The following SORCS2 variants were observed in gnomAD, a reference collection of about 807,000 sequenced individuals.
The protein encoded by SORCS2 is VPS10 domain-containing receptor SorCS2.
SORCS2 carries 100 observed loss-of-function variants against 141.6 expected under a neutral mutation model. That is an observed-to-expected ratio of 0.71 (90% CI 0.60 to 0.83). The LOEUF is 0.83. SORCS2 is among the 40% of genes least tolerant of loss of function. The probability of loss-of-function intolerance (pLI) is 0.00; values close to 1 mark genes in which losing one functional copy is unlikely to be tolerated. For synonymous variants in SORCS2, 789 were observed against 676.9 expected (o/e 1.17, Z -2.57); for missense variants, 1,646 against 1,560.2 (o/e 1.05, Z -0.93).
chr4:7,550,661 T>C (rs1421605273), intron 3 of SORCS2, among the ~76,000 whole-genome samples: 9 of 152,192 alleles, frequency 5.9e-5, no homozygotes, highest in Admixed American at 5.9e-4. Context: ...CCTGTGTCTC[T>C]AGTAGATCAT....
At chr4:7,492,686 T>C (rs1476878338) in intron 2 of SORCS2, among the ~76,000 whole-genome samples, 1 of 152,248 alleles carries the variant, frequency 6.6e-6, no homozygotes, top group Non-Finnish European at 1.5e-5. Flanking sequence ...CCCAGCCCCT[T>C]GGAGACTGGC....
At chr4:7,309,063 C>G (rs115859706) in intron 1 of SORCS2, among the ~76,000 whole-genome samples, 9 of 152,166 alleles carry the variant, frequency 5.9e-5, no homozygotes, top group African/African-American at 1.9e-4. Flanking sequence ...CACACTGGAC[C>G]GTGGTGCCTG....
At chr4:7,682,557 G>A (rs1723588942) in intron 9 of SORCS2, among the ~76,000 whole-genome samples, 186 bp from the exon 10 acceptor site, 1 of 152,212 alleles carries the variant, frequency 6.6e-6, no homozygotes, top group Non-Finnish European at 1.5e-5. Context: ...TGGGGCCAGA[G>A]TCTTGAATCC....
intron 1 of SORCS2, among the ~76,000 whole-genome samples, chr4:7,224,507 C>A (rs972814402): frequency 1.3e-5 from 2 of 152,194 alleles, no homozygotes; most frequent in Admixed American, 6.5e-5. Flanking sequence ...CTGCTTCTGC[C>A]CACACCTGTG....
chr4:7,384,141 A>T (rs1346266140), intron 1 of SORCS2, among the ~76,000 whole-genome samples: 1 of 152,098 alleles, frequency 6.6e-6, no homozygotes, highest in African/African-American at 2.4e-5. Flanking sequence ...CCCTTGGTGG[A>T]GGCCCAAGGG....
At chr4:7,235,776 G>A (rs1577307395) in intron 1 of SORCS2, among the ~76,000 whole-genome samples, 1 of 152,214 alleles carries the variant, frequency 6.6e-6, no homozygotes, top group Non-Finnish European at 1.5e-5. Flanking sequence ...GAGAGGCTTG[G>A]AAGAGCAGGC....
intron 1 of SORCS2, among the ~76,000 whole-genome samples, chr4:7,354,316 A>G (rs1721121464): frequency 1.3e-5 from 2 of 151,726 alleles, no homozygotes; most frequent in South Asian, 4.2e-4. Context: ...AAGAGGACCT[A>G]CCCAGCGCTG....
Position 7,373,006 on chromosome 4 carries a change from G to GT in SORCS2, c.481-23266dup, listed in dbSNP as rs56090778. ...GCTGCAGGACATCTTGGTGGTTTCT[G>GT]TTTTTTTTTTTTTTTTCCCCTATCA... On this transcript the variant is annotated intron_variant, in intron 1 of 26. Transcript: ENST00000507866. Among the ~76,000 whole-genome samples the GT allele has an allele frequency of 4.3e-3, 594 of 138,136 alleles. 9 individuals are homozygous for GT. Among genetic ancestry groups the GT allele is most frequent in the Non-Finnish European group, 5.8e-3 (378 of 64,702 alleles). 90.6% of individuals were successfully genotyped at this position (138,136 alleles called of 152,430 possible).
chr4:7,561,867 C>T (rs116204774), intron 3 of SORCS2, among the ~76,000 whole-genome samples: 5,305 of 152,220 alleles, frequency 0.035, 107 homozygotes, highest in Middle Eastern at 0.054. Flanking sequence ...ATCCATCAGT[C>T]TACTCATCCA....
Position 7,667,195 on chromosome 4 carries a change from G to T in SORCS2, c.1143G>T (p.Pro381=), listed in dbSNP as rs142723320. The change falls in exon 8 of 27, where the codon CCG becomes CCT. Residue 381 remains proline, a synonymous_variant. Transcript: ENST00000507866. Reference sequence around the variant, plus strand: ...ATGAATTTGTCCTGATGAAGCTGCCGAAGTATGCATTGCCAAAGGTAAGGT... The same window carrying T: ...ATGAATTTGTCCTGATGAAGCTGCCTAAGTATGCATTGCCAAAGGTAAGGT... ...RRNEFVLMKL[P]KYALPKDLQI... 42 of 1,613,688 alleles carry T rather than the reference G, an allele frequency of 2.6e-5. No individual in the cohort carries two copies. The Admixed American group carries it at 6.8e-4, about 26-fold the overall frequency.
rs565314042 is a variant in SORCS2 at position 7,740,295 on chromosome 4, G to A, written c.*31G>A. On this transcript the variant is annotated 3_prime_UTR_variant, in exon 27 of 27. Coordinates refer to ENST00000507866, the MANE Select transcript of SORCS2 (RefSeq NM_020777.3). ...CCCCAGCATCTGTCTTTTCACCCACGGAGGGCACAGAACCACCAGCAAAGC... is the reference window on the plus strand; with the variant it reads ...CCCCAGCATCTGTCTTTTCACCCACAGAGGGCACAGAACCACCAGCAAAGC... 17 of 1,598,474 alleles carry A rather than the reference G, an allele frequency of 1.1e-5. No individual in the cohort carries two copies. The highest frequency in any genetic ancestry group is 6.7e-5 in the East Asian group (3 of 44,636).
In SORCS2 at chr4:7,584,401, G is replaced by C. The variant is rs533229408; in HGVS notation, c.648+52772G>C. Among the ~76,000 whole-genome samples the C allele has an allele frequency of 1.4e-4, 22 of 152,264 alleles. No individual in the cohort carries two copies. In the South Asian group the frequency reaches 4.6e-3, roughly 32 times the overall value. On this transcript the variant is annotated intron_variant, in intron 3 of 26. Coordinates refer to ENST00000507866, the MANE Select transcript of SORCS2 (RefSeq NM_020777.3). Reference sequence around the variant, plus strand: ...GAAAGAGTACATTTAAGAAAAAGTTGCTTCCATGATGGGCTGAAGGCACAG... The same window carrying C: ...GAAAGAGTACATTTAAGAAAAAGTTCCTTCCATGATGGGCTGAAGGCACAG...
intron 12 of SORCS2, among the ~76,000 whole-genome samples, chr4:7,697,902 C>A (rs1032156489): frequency 1.3e-5 from 2 of 152,192 alleles, no homozygotes; most frequent in African/African-American, 4.8e-5. Flanking sequence ...CCCACCAGCA[C>A]AGGATGGCCT....
At chr4:7,571,766 T>A (rs1715412541) in intron 3 of SORCS2, among the ~76,000 whole-genome samples, 1 of 152,296 alleles carries the variant, frequency 6.6e-6, no homozygotes, top group South Asian at 2.1e-4. Context: ...CCAAGCGACG[T>A]TGAATTATGG....
intron 3 of SORCS2, among the ~76,000 whole-genome samples, chr4:7,560,202 G>A (rs1359775178): frequency 1.3e-5 from 2 of 152,144 alleles, no homozygotes; most frequent in African/African-American, 4.8e-5. Flanking sequence ...ATTCCTATCC[G>A]AGGTGGCTGG....
chr4:7,416,132 G>A (rs1033620396), intron 2 of SORCS2, among the ~76,000 whole-genome samples: 2 of 152,176 alleles, frequency 1.3e-5, no homozygotes, highest in African/African-American at 2.4e-5. Context: ...CTCATGTGCC[G>A]GCCGGAGGGG....
At chr4:7,596,700 C>T (rs891737772) in intron 3 of SORCS2, among the ~76,000 whole-genome samples, 1 of 152,076 alleles carries the variant, frequency 6.6e-6, no homozygotes, top group African/African-American at 2.4e-5. Flanking sequence ...CCTGGCAGGG[C>T]GAGGGTGGAA....
chr4:7,611,324 G>A (rs962523971), intron 3 of SORCS2, among the ~76,000 whole-genome samples: 2 of 152,170 alleles, frequency 1.3e-5, no homozygotes, highest in South Asian at 4.1e-4. Flanking sequence ...AGAGAGACCA[G>A]GCTCAAGTCC....
intron 12 of SORCS2, among the ~76,000 whole-genome samples, chr4:7,699,968 C>T (rs1004783603): frequency 6.6e-6 from 1 of 152,202 alleles, no homozygotes; most frequent in African/African-American, 2.4e-5. Flanking sequence ...AGGGAATGTG[C>T]TCTTGTGACT....
Sources: gnomAD v4.1 joint callset for allele counts (sites outside exome capture counted in the v4.1 genomes callset) on GRCh38, gnomAD v4.1.1 for gene constraint, MANE v1.5 for transcripts, NCBI Gene and HGNC (gene_info 2026-07-23, HGNC 2026-07-21) for gene names.